The following ANO7 variants were observed in gnomAD, a reference collection of about 807,000 sequenced individuals.
ANO7 encodes anoctamin-7.
Under a neutral mutation model 115.8 loss-of-function variants are expected in ANO7, and 114 were observed. That is an observed-to-expected ratio of 0.98 (90% CI 0.85 to 1.15). The LOEUF is 1.15. ANO7 is among the 50% of genes most tolerant of loss of function. The pLI is 0.00. For missense variants in ANO7, 1,302 were observed against 1,201.2 expected (o/e 1.08, Z -1.24); for synonymous variants, 550 against 498.2 (o/e 1.10, Z -1.38).
At chr2:241,239,680 G>A in the ANO7 span, 19 of 1,614,024 alleles carry the variant, frequency 1.2e-5, no homozygotes, top group African/African-American at 6.7e-5. This position sits in a 1 kb window ranked among gnomAD's most constrained non-coding sequence, Gnocchi z 4.6. Context: ...TGACTTTGTC[G>A]CTCTGTGTGC....
At position 241,206,413 on chromosome 2, in the gene ANO7, GAC is replaced by G. The variant is rs1314672447; in HGVS notation, c.981-1157_981-1156del. 9.3e-5 allele frequency among the ~76,000 whole-genome samples: 2 copies of G among 21,454 alleles called. 1 individual carries two copies. Among genetic ancestry groups the G allele is most frequent in the Admixed American group, 8.9e-4 (2 of 2,256 alleles). The allele number at this position is 21,454 out of a possible 152,430, so 14.1% of individuals were successfully genotyped here. A position where few individuals can be genotyped will look rare whatever the true frequency, so the allele number is the denominator to read the frequency against. On this transcript the variant is annotated intron_variant, in intron 10 of 24. Transcript: ENST00000674324. ...AGGTGGACAGGAGTGCTCCCAGGCT[GAC>G]ACAGGTGGACAGGAGTGCTCCCAGC...
At chr2:241,205,231 G>A (rs1056246692) in intron 10 of ANO7, among the ~76,000 whole-genome samples, 5 of 143,732 alleles carry the variant, frequency 3.5e-5, no homozygotes, top group African/African-American at 1.3e-4. Context: ...AAACTGACAG[G>A]TGGTCAGGAG....
chr2:241,208,962 A>G (rs977412874), intron 11 of ANO7, among the ~76,000 whole-genome samples: 10 of 152,118 alleles, frequency 6.6e-5, no homozygotes, highest in Admixed American at 6.5e-4. Context: ...ATCCTGGCTA[A>G]CACGGTGAAA....
chr2:241,230,914 C>T (rs140776659), downstream of ANO7: 116 of 1,614,006 alleles, frequency 7.2e-5, 2 homozygotes, highest in South Asian at 1.0e-3. The surrounding 1 kb of genome is among the most constrained non-coding windows in gnomAD (Gnocchi z 5.0). Flanking sequence ...GTGTTCTTTT[C>T]GTACCCTGTG....
rs2068489421 is a variant in ANO7, at chr2:241,202,240, A to G, written c.659A>G (p.Asn220Ser). ...ACCCCGTATGGCCACGAGAAGAAAA[A>G]CCTGCTTGGGATCCACCAGCTGCTG... ...AKTPYGHEKK[N>S]LLGIHQLLAE... is the part of the protein sequence containing the mutation. The change falls in exon 8 of 25, where the codon AAC (asparagine) becomes AGC (serine). Residue 220 changes from asparagine (N) to serine (S), a missense_variant. Asn to Ser is a conservative substitution (Grantham distance 46, BLOSUM62 1). Coordinates refer to ENST00000674324, the MANE Select transcript of ANO7 (RefSeq NM_001370694.2). The G allele has an allele frequency of 6.2e-7, 1 of 1,613,508 alleles. No homozygotes were observed. Among genetic ancestry groups the G allele is most frequent in the Non-Finnish European group, 8.5e-7 (1 of 1,179,962 alleles).
rs755740207 is a variant in ANO7 at position 241,224,506 on chromosome 2, G to A, written c.*353G>A. On this transcript the variant is annotated 3_prime_UTR_variant, in exon 25 of 25. Transcript: ENST00000674324. ...GCAGGTGGGCTTTGTGGTCCTCGCC[G>A]CCCCTGGCCACATCGCCCTCTCCTC... 8 of 304,778 alleles carry A rather than the reference G, an allele frequency of 2.6e-5. No individual in the cohort carries two copies. Among genetic ancestry groups the A allele is most frequent in the Admixed American group, 4.7e-5 (1 of 21,378 alleles). The allele number at this position is 304,778 out of a possible 1,614,324, so 18.9% of individuals were successfully genotyped here. A position where few individuals can be genotyped will look rare whatever the true frequency, so the allele number is the denominator to read the frequency against.
chr2:241,199,993 C>T, intron 5 of ANO7, 96 bp from the exon 6 acceptor site: 1 of 1,466,380 alleles, frequency 6.8e-7, no homozygotes, highest in Non-Finnish European at 9.3e-7. Flanking sequence ...CCCCTTCGCC[C>T]ATTGCCCAAT....
In ANO7 at chr2:241,218,346, G is replaced by A. The variant is rs943347226; in HGVS notation, c.2286G>A (p.Pro762=). Residue 762 remains proline (P), a synonymous_variant, in exon 21 of 25, where the codon CCG becomes CCA. Coordinates refer to ENST00000674324, the MANE Select transcript of ANO7 (RefSeq NM_001370694.2). ...GFLNFTLARA[P]SSFAAAHNRT... ...TCAACTTCACGCTGGCGCGAGCCCC[G>A]TCCTCCTTCGCCGCCGCGCACAACC... The A allele has an allele frequency of 2.7e-6, 4 of 1,483,908 alleles. No individual in the cohort carries two copies. Among genetic ancestry groups the A allele is most frequent in the African/African-American group, 2.9e-5 (2 of 68,534 alleles). The allele number at this position is 1,483,908 out of a possible 1,614,324, so 91.9% of individuals were successfully genotyped here.
In ANO7 at chr2:241,203,618, G is replaced by A. The variant is rs1406815494; in HGVS notation, c.889+120G>A. ...GTGCGTGGGGGCCTGGACGGTGGGCGCAGCTCTTGGCTCGACCGGGCTGCC... is the reference window on the plus strand; with the variant it reads ...GTGCGTGGGGGCCTGGACGGTGGGCACAGCTCTTGGCTCGACCGGGCTGCC... On this transcript the variant is annotated intron_variant, in intron 9 of 24. Transcript: ENST00000674324. The surrounding 1 kb of genome is among the most constrained non-coding windows in gnomAD (Gnocchi z 4.8). The A allele has an allele frequency of 2.7e-5, 19 of 699,426 alleles. No homozygotes were observed. Among genetic ancestry groups the A allele is most frequent in the South Asian group, 1.0e-4 (4 of 39,288 alleles). The allele number at this position is 699,426 out of a possible 1,614,324, so 43.3% of individuals were successfully genotyped here.
chr2:241,199,107 G>A (rs1417758839), intron 4 of ANO7: 1 of 545,544 alleles, frequency 1.8e-6, no homozygotes, highest in Non-Finnish European at 3.3e-6. Flanking sequence ...TGCTGGGGCC[G>A]ACTCCCAAAC....
At position 241,224,046 on chromosome 2, in the gene ANO7, C is replaced by G. The variant is rs77050519; in HGVS notation, c.2584-51C>G. On this transcript the variant is annotated intron_variant, in intron 24 of 24. Transcript: ENST00000674324. Reference sequence around the variant, plus strand: ...CGCCCACTGTGCCTCGTGGCCATGGCCTGCTCCTGGCCCTAGTCTGACTTG... The same window carrying G: ...CGCCCACTGTGCCTCGTGGCCATGGGCTGCTCCTGGCCCTAGTCTGACTTG... 0.08 allele frequency: 129,134 copies of G among 1,612,852 alleles called. 5,532 individuals are homozygous for G. Among genetic ancestry groups the G allele is most frequent in the Middle Eastern group, 0.14 (829 of 6,062 alleles).
At position 241,217,922 on chromosome 2, in the gene ANO7, CG is replaced by C. The variant is rs2068878126; in HGVS notation, c.2178+36del. 6 of 534,528 alleles carry C rather than the reference CG, an allele frequency of 1.1e-5. No homozygotes were observed. The East Asian group carries it at 3.0e-4, about 27-fold the overall frequency. The allele number at this position is 534,528 out of a possible 1,614,324, so 33.1% of individuals were successfully genotyped here. A position where few individuals can be genotyped will look rare whatever the true frequency, so the allele number is the denominator to read the frequency against. On this transcript the variant is annotated intron_variant, in intron 20 of 24. Coordinates refer to ENST00000674324, the MANE Select transcript of ANO7 (RefSeq NM_001370694.2). ...GCCCGGGCGGGAGCGCGGGGCGGGG[CG>C]GGGGCGCGCAGGGGCGGGGGCGGGG...
At chr2:241,230,735 C>G (rs374714304), downstream of ANO7, 74 of 1,609,700 alleles carry the variant, frequency 4.6e-5, no homozygotes, top group African/African-American at 9.2e-4. The surrounding 1 kb of genome is among the most constrained non-coding windows in gnomAD (Gnocchi z 5.0). Flanking sequence ...GGATTCTCAC[C>G]CACTGTGCTT....
chr2:241,226,512 C>A (rs2069176291), downstream of ANO7, among the ~76,000 whole-genome samples: 1 of 151,694 alleles, frequency 6.6e-6, no homozygotes, highest in Admixed American at 6.6e-5. Context: ...GCAAGCTCTG[C>A]CTCCCGGGTT....
Position 241,190,243 on chromosome 2 carries a change from G to A in ANO7, c.108+72G>A, listed in dbSNP as rs529634514. The A allele has an allele frequency of 8.3e-5, 112 of 1,346,758 alleles. No homozygotes were observed. The African/African-American group carries it at 1.5e-3, about 18-fold the overall frequency. The allele number at this position is 1,346,758 out of a possible 1,614,324, so 83.4% of individuals were successfully genotyped here. On this transcript the variant is annotated intron_variant, in intron 2 of 24. Coordinates refer to ENST00000674324, the MANE Select transcript of ANO7 (RefSeq NM_001370694.2). ...TGCCTGGGTCTATGCCCCCACCCTG[G>A]GCCCAGAGCCTCTGGGGGTGGATGG...
chr2:241,191,700 C>T (rs2074838), intron 3 of ANO7, among the ~76,000 whole-genome samples: 9,735 of 150,104 alleles, frequency 0.065, 856 homozygotes, highest in East Asian at 0.42. Context: ...GGGCTCCCAG[C>T]ACCCACCCCG....
chr2:241,209,739 T>A, intron 13 of ANO7, 104 bp downstream of exon 13: 2 of 1,433,070 alleles, frequency 1.4e-6, no homozygotes, highest in Non-Finnish European at 1.8e-6. Context: ...ATGCCTCCTC[T>A]GGGCACAGAA....
At chr2:241,230,612 G>A (rs2069624621), downstream of ANO7, 8 of 702,936 alleles carry the variant, frequency 1.1e-5, no homozygotes, top group South Asian at 1.5e-4. This position sits in a 1 kb window ranked among gnomAD's most constrained non-coding sequence, Gnocchi z 5.0. Flanking sequence ...ACTGACCCGT[G>A]GTGTCCATGA....
At chr2:241,196,863 G>A (rs1452398997) in intron 4 of ANO7, among the ~76,000 whole-genome samples, 1 of 117,788 alleles carries the variant, frequency 8.5e-6, no homozygotes, top group Non-Finnish European at 1.8e-5. Flanking sequence ...GTGTGTGTGT[G>A]TGTGTGTGTG....
Sources: allele counts gnomAD v4.1 joint callset (sites outside exome capture counted in the v4.1 genomes callset), GRCh38; gene constraint gnomAD v4.1.1; non-coding constraint Gnocchi (gnomAD v3.1); transcripts MANE v1.5; gene names NCBI Gene and HGNC (gene_info 2026-07-23, HGNC 2026-07-21).